Variants in PRSS48 observed in about 807,000 individuals in gnomAD.
PRSS48 encodes serine protease 48.
Under a neutral mutation model 25.6 loss-of-function variants are expected in PRSS48, and 21 were observed. The ratio of observed to expected loss-of-function variants is 0.82; its 90% CI spans 0.58 to 1.18. The LOEUF (loss-of-function observed/expected upper bound fraction) is 1.18, where lower values mean the gene tolerates loss of function less well. PRSS48 is among the 50% of genes most tolerant of loss of function. The pLI is 0.00. For synonymous variants in PRSS48, 150 were observed against 149.3 expected (o/e 1.00, Z -0.04); for missense variants, 373 against 399.3 (o/e 0.93, Z 0.56).
intron 4 of PRSS48, among the ~76,000 whole-genome samples, chr4:151,285,941 T>C (rs1284415048): frequency 6.6e-5 from 10 of 151,086 alleles, no homozygotes; most frequent in Admixed American, 4.6e-4. Context: ...ATACCTGTAA[T>C]CGCAGCACTT....
At chr4:151,280,063 C>A (rs189480739) in intron 2 of PRSS48, 105 bp downstream of exon 2, 2 of 1,309,256 alleles carry the variant, frequency 1.5e-6, no homozygotes, top group Non-Finnish European at 2.1e-6. Flanking sequence ...ATAGGCAGGG[C>A]GGAAGGAAAC....
intron 4 of PRSS48, among the ~76,000 whole-genome samples, chr4:151,288,211 G>T (rs1775005871): frequency 1.3e-5 from 2 of 152,130 alleles, no homozygotes; most frequent in South Asian, 4.2e-4. Context: ...CATAAGGTCA[G>T]GAAAGAGACA....
At chr4:151,289,378 A>G (rs912460658) in intron 4 of PRSS48, among the ~76,000 whole-genome samples, 1 of 152,230 alleles carries the variant, frequency 6.6e-6, no homozygotes, top group Non-Finnish European at 1.5e-5. Flanking sequence ...AAAGTAGATT[A>G]GAGTTCTTCA....
chr4:151,282,623 A>G (rs1170509813), intron 3 of PRSS48, among the ~76,000 whole-genome samples: 1 of 152,210 alleles, frequency 6.6e-6, no homozygotes. Context: ...GAGTCTAGCT[A>G]TAGCTGGAAG....
intron 1 of PRSS48, chr4:151,278,952 G>T: frequency 4.7e-6 from 1 of 214,390 alleles, no homozygotes. Flanking sequence ...ACTTTCATTT[G>T]TCTATTGGTT....
intron 4 of PRSS48, among the ~76,000 whole-genome samples, chr4:151,287,009 T>TAAC (rs896036714): frequency 6.7e-6 from 1 of 148,188 alleles, no homozygotes; most frequent in East Asian, 2.0e-4. Context: ...ATAATAATAA[T>TAAC]AGTAATTAAT....
chr4:151,282,966 C>A, intron 3 of PRSS48, 151 bp from the exon 4 acceptor site: 1 of 620,172 alleles, frequency 1.6e-6, no homozygotes, highest in Non-Finnish European at 2.8e-6. Flanking sequence ...TTTAAGTGTA[C>A]CAAAAGATCC....
chr4:151,290,977 AG>A (rs1775273393), intron 4 of PRSS48, 140 bp from the exon 5 acceptor site: 2 of 590,818 alleles, frequency 3.4e-6, no homozygotes, highest in Admixed American at 3.1e-5. Flanking sequence ...TCCCTAAAGC[AG>A]TGATTAGTCC....
exon 5 of PRSS48, chr4:151,291,207 T>C (rs2150019269): frequency 6.2e-7 from 1 of 1,613,586 alleles, no homozygotes; most frequent in East Asian, 2.2e-5. Context: ...GTGGTAAATC[T>C]CTTCCTGGAG....
intron 4 of PRSS48, among the ~76,000 whole-genome samples, chr4:151,287,880 CT>C (rs917358447): frequency 2.0e-5 from 3 of 152,032 alleles, no homozygotes; most frequent in African/African-American, 7.2e-5. Flanking sequence ...ACCCCTCTCT[CT>C]TTTTTTATTT....
chr4:151,286,184 G>GAAAAA (rs56850648), intron 4 of PRSS48, among the ~76,000 whole-genome samples: 682 of 86,346 alleles, frequency 7.9e-3, no homozygotes, highest in East Asian at 9.5e-3. Flanking sequence ...CTGTCTTAAA[G>GAAAAA]AAAAAAAAAA....
chr4:151,277,858 T>A (rs1366367280), intron 1 of PRSS48, among the ~76,000 whole-genome samples: 1 of 152,102 alleles, frequency 6.6e-6, no homozygotes, highest in Non-Finnish European at 1.5e-5. Context: ...CTGGGCAACA[T>A]GGTGAAACCC....
intron 1 of PRSS48, among the ~76,000 whole-genome samples, chr4:151,278,019 C>T (rs1269227270): frequency 6.6e-6 from 1 of 151,888 alleles, no homozygotes; most frequent in East Asian, 1.9e-4. Context: ...CCAGCCTTAG[C>T]GACAGAGTAA....
chr4:151,285,917 G>C (rs1237250168), intron 4 of PRSS48, among the ~76,000 whole-genome samples: 3 of 151,646 alleles, frequency 2.0e-5, no homozygotes, highest in African/African-American at 7.3e-5. Flanking sequence ...AAAAAAGGCT[G>C]GGTGTGATGG....
At chr4:151,277,404 A>G (rs889132299) in intron 1 of PRSS48, among the ~76,000 whole-genome samples, 180 bp downstream of exon 1, 2 of 152,138 alleles carry the variant, frequency 1.3e-5, no homozygotes, top group Non-Finnish European at 2.9e-5. Flanking sequence ...TGGAAATAGC[A>G]GTACACACAC....
exon 2 of PRSS48, chr4:151,279,855 C>T (rs767496040): frequency 3.6e-5 from 57 of 1,599,530 alleles, no homozygotes; most frequent in South Asian, 1.4e-4. Context: ...TGCTGCAGGG[C>T]GCTGGCCTTG....
intron 4 of PRSS48, among the ~76,000 whole-genome samples, chr4:151,288,849 A>G (rs1188271839): frequency 6.6e-6 from 1 of 152,230 alleles, no homozygotes; most frequent in African/African-American, 2.4e-5. Flanking sequence ...TACAGATTCA[A>G]TGTAATCCCT....
At chr4:151,279,328 G>T in intron 1 of PRSS48, 1 of 183,624 alleles carries the variant, frequency 5.4e-6, no homozygotes, top group Non-Finnish European at 1.1e-5. Flanking sequence ...AGGATTACAG[G>T]CATGAGCCAC....
chr4:151,291,000 G>A, intron 4 of PRSS48, 118 bp from the exon 5 acceptor site: 1 of 689,806 alleles, frequency 1.4e-6, no homozygotes, highest in Non-Finnish European at 2.4e-6. Context: ...GCCCCCTGCA[G>A]GGTTCCACAG....
Sources: gnomAD v4.1 joint callset for allele counts (sites outside exome capture counted in the v4.1 genomes callset) on GRCh38, gnomAD v4.1.1 for gene constraint, MANE v1.5 for transcripts, NCBI Gene and HGNC (gene_info 2026-07-23, HGNC 2026-07-21) for gene names.